PITPNM3: variants seen among roughly 807,000 people sequenced by gnomAD.
PITPNM3 encodes the protein membrane-associated phosphatidylinositol transfer protein 3.
PITPNM3 carries 26 observed loss-of-function variants against 102.0 expected under a neutral mutation model. The ratio of observed to expected loss-of-function variants is 0.25; its 90% CI spans 0.19 to 0.35. The LOEUF is 0.35. Among genes scored for constraint, PITPNM3 ranks in the 10% least tolerant of loss-of-function variants. The pLI is 1.00. For missense variants in PITPNM3, 1,083 were observed against 1,346.1 expected (o/e 0.80, Z 3.06); for synonymous variants, 578 against 558.6 (o/e 1.03, Z -0.49).
intron 1 of PITPNM3, among the ~76,000 whole-genome samples, chr17:6,551,273 C>T (rs912915198): frequency 2.6e-5 from 4 of 151,876 alleles, no homozygotes; most frequent in African/African-American, 7.3e-5. Context: ...GGGAGAATGG[C>T]GTGAACCCGG....
At chr17:6,510,309 G>A (rs1019261148) in intron 3 of PITPNM3, among the ~76,000 whole-genome samples, 6 of 152,224 alleles carry the variant, frequency 3.9e-5, no homozygotes, top group African/African-American at 1.4e-4. Context: ...CCTCAGTCAA[G>A]ACAAACTCTC....
intron 4 of PITPNM3, 33 bp downstream of exon 4, chr17:6,503,494 A>G (rs1907309274): frequency 3.1e-6 from 5 of 1,610,230 alleles, no homozygotes; most frequent in Non-Finnish European, 4.2e-6. Flanking sequence ...TCCAAGGGGA[A>G]GAAATGACCC....
At chr17:6,550,565 C>T (rs1429705664) in intron 1 of PITPNM3, among the ~76,000 whole-genome samples, 2 of 152,198 alleles carry the variant, frequency 1.3e-5, no homozygotes, top group African/African-American at 2.4e-5. Flanking sequence ...AAGAGGGACC[C>T]TTGACTGAAA....
intron 1 of PITPNM3, among the ~76,000 whole-genome samples, chr17:6,548,109 C>T (rs1910122049): frequency 6.6e-6 from 1 of 152,150 alleles, no homozygotes; most frequent in Non-Finnish European, 1.5e-5. Context: ...TAGCCTGGAG[C>T]AAACAGTAGG....
rs1914001423 is a variant in PITPNM3 at position 6,454,630 on chromosome 17, G to C, written c.*708C>G. 1 of 152,346 alleles carries C rather than the reference G, an allele frequency of 6.6e-6. No homozygotes were observed. Among genetic ancestry groups the C allele is most frequent in the African/African-American group, 2.4e-5 (1 of 41,480 alleles). 9.4% of individuals were successfully genotyped at this position (152,346 alleles called of 1,614,324 possible). A position where few individuals can be genotyped will look rare whatever the true frequency, so the allele number is the denominator to read the frequency against. ...GCTGCAGCCTCCCAAGGGAGGGCATGAGGCAGGGCTCCGGGAAGAGGAAGC... is the reference window on the plus strand; with the variant it reads ...GCTGCAGCCTCCCAAGGGAGGGCATCAGGCAGGGCTCCGGGAAGAGGAAGC... On this transcript the variant is annotated 3_prime_UTR_variant, in exon 20 of 20. Transcript: ENST00000262483.
Position 6,484,407 on chromosome 17 carries a change from C to T in PITPNM3, c.275-115G>A, listed in dbSNP as rs534872580. 352 of 1,049,714 alleles carry T rather than the reference C, an allele frequency of 3.4e-4. 5 individuals are homozygous for T. The South Asian group carries it at 4.3e-3, about 13-fold the overall frequency. 65.0% of individuals were successfully genotyped at this position (1,049,714 alleles called of 1,614,324 possible). On this transcript the variant is annotated intron_variant, in intron 4 of 19. Transcript: ENST00000262483. The stretch of plus-strand genomic sequence containing the variant: ...CCTTGGCTTACATCACAGGTGAGCT[C>T]AAGTTAGAGTCTGGAGCTAGGGAGA...
chr17:6,491,401 G>A (rs577723202), intron 4 of PITPNM3, among the ~76,000 whole-genome samples: 27 of 152,278 alleles, frequency 1.8e-4, no homozygotes, highest in Non-Finnish European at 3.1e-4. Context: ...TAGCAGATGC[G>A]GATGGAACAG....
Position 6,468,112 on chromosome 17 carries a change from C to T in PITPNM3, c.1890+113G>A, listed in dbSNP as rs1170512045. The T allele has an allele frequency of 3.9e-6, 4 of 1,021,234 alleles. No homozygotes were observed. The African/African-American group carries it at 4.7e-5, about 12-fold the overall frequency. 63.3% of individuals were successfully genotyped at this position (1,021,234 alleles called of 1,614,324 possible). On this transcript the variant is annotated intron_variant, in intron 14 of 19. Transcript: ENST00000262483. This position sits in a 1 kb window ranked among gnomAD's most constrained non-coding sequence, Gnocchi z 5.2. ...AGCCCCAGCCTGTTTGGGTGCTGAG[C>T]TCTGAGGACAAATTGAAGCGCTTAC...
intron 14 of PITPNM3, among the ~76,000 whole-genome samples, chr17:6,467,347 G>T (rs1278276521): frequency 6.6e-6 from 1 of 152,178 alleles, no homozygotes; most frequent in Non-Finnish European, 1.5e-5. Context: ...CTGATTGCCT[G>T]GGGCAAGTGA....
At chr17:6,526,356 C>T (rs1166839042) in intron 2 of PITPNM3, among the ~76,000 whole-genome samples, 2 of 152,206 alleles carry the variant, frequency 1.3e-5, no homozygotes, top group African/African-American at 2.4e-5. Flanking sequence ...GTGCTCTCCT[C>T]CCCATACTTT....
chr17:6,474,024 C>A lies in PITPNM3; in HGVS notation c.1258+408G>T, dbSNP rs1046265737. Among the ~76,000 whole-genome samples the A allele has an allele frequency of 3.0e-4, 45 of 149,462 alleles. 1 individual carries two copies. The highest frequency in any genetic ancestry group is 3.0e-3 in the Admixed American group (45 of 15,026). On this transcript the variant is annotated intron_variant, in intron 10 of 19. Transcript: ENST00000262483. ...GTTGCAGGTATTGCATGAGCAAAGG[C>A]ACCTGAGGTGGGCTTGGGGATATGC...
chr17:6,488,668 C>T (rs1426738686), intron 4 of PITPNM3, among the ~76,000 whole-genome samples: 1 of 152,160 alleles, frequency 6.6e-6, no homozygotes, highest in Non-Finnish European at 1.5e-5. Flanking sequence ...TACCTGGGAA[C>T]CTCTGGGGAT....
At position 6,517,219 on chromosome 17, in the gene PITPNM3, A is replaced by T. The variant is rs1908238214; in HGVS notation, c.226+8137T>A. 6.6e-6 allele frequency among the ~76,000 whole-genome samples: 1 copy of T among 152,250 alleles called. No homozygotes were observed. On this transcript the variant is annotated intron_variant, in intron 3 of 19. Coordinates refer to ENST00000262483, the MANE Select transcript of PITPNM3 (RefSeq NM_031220.4). The surrounding 1 kb of genome is among the most constrained non-coding windows in gnomAD (Gnocchi z 4.1). ...AGGAAATTGAGGAAGTAGCAGTGAG[A>T]CCTATATGCTACAAAGGGCAAATTT...
At position 6,468,305 on chromosome 17, in the gene PITPNM3, C is replaced by T. The variant is rs775717066; in HGVS notation, c.1810G>A (p.Ala604Thr). The change falls in exon 14 of 20, where the codon GCC becomes ACC. Residue 604 changes from alanine to threonine, a missense_variant. Ala to Thr is a moderately conservative substitution (Grantham distance 58, BLOSUM62 0). Coordinates refer to ENST00000262483, the MANE Select transcript of PITPNM3 (RefSeq NM_031220.4). This position sits in a 1 kb window ranked among gnomAD's most constrained non-coding sequence, Gnocchi z 5.2. The stretch of plus-strand genomic sequence containing the variant: ...CTCAGTGCTGCAGGGTCCAGGCGGG[C>T]GCTTTCCTTGATGTTCACGCTCTCA... ...RYESVNIKESARLDPAALSPA... is the reference protein window; with the variant it reads ...RYESVNIKESTRLDPAALSPA... The T allele has an allele frequency of 6.2e-6, 10 of 1,614,008 alleles. No individual in the cohort carries two copies. The highest frequency in any genetic ancestry group is 4.4e-5 in the South Asian group (4 of 91,078).
intron 3 of PITPNM3, among the ~76,000 whole-genome samples, chr17:6,514,830 C>T (rs1454583255): frequency 2.0e-5 from 3 of 152,050 alleles, no homozygotes; most frequent in Non-Finnish European, 4.4e-5. Flanking sequence ...TTCATAATAG[C>T]CAAAAAGTAG....
At chr17:6,473,255 C>T (rs1597369111) in intron 10 of PITPNM3, 1 of 287,224 alleles carries the variant, frequency 3.5e-6, no homozygotes. Flanking sequence ...AGGCTATAAA[C>T]ACTCAGTTCC....
intron 6 of PITPNM3, chr17:6,481,884 AG>A (rs2150735476): frequency 1.5e-5 from 2 of 135,696 alleles, no homozygotes; most frequent in Non-Finnish European, 3.2e-5. Flanking sequence ...AGAGAGAGAG[AG>A]AGAGAGAGAG....
chr17:6,519,847 A>G (rs1287327505), intron 3 of PITPNM3, among the ~76,000 whole-genome samples: 1 of 152,106 alleles, frequency 6.6e-6, no homozygotes, highest in Non-Finnish European at 1.5e-5. Flanking sequence ...AAAAGAAAGA[A>G]AGAAAAGATT....
At chr17:6,507,520 G>A (rs1907602564) in intron 3 of PITPNM3, among the ~76,000 whole-genome samples, 1 of 152,120 alleles carries the variant, frequency 6.6e-6, no homozygotes, top group Admixed American at 6.5e-5. Flanking sequence ...GGAGGCAGGG[G>A]TAGCAGTGAG....
Sources: allele counts gnomAD v4.1 joint callset (sites outside exome capture counted in the v4.1 genomes callset), GRCh38; gene constraint gnomAD v4.1.1; non-coding constraint Gnocchi (gnomAD v3.1); transcripts MANE v1.5; gene names NCBI Gene and HGNC (gene_info 2026-07-23, HGNC 2026-07-21).